Variants in SYTL4 observed in about 807,000 individuals in gnomAD.
SYTL4 encodes synaptotagmin like 4.
A neutral mutation model predicts 52.7 loss-of-function variants in SYTL4; 16 were observed. The observed-to-expected ratio is 0.30, with a 90% CI of 0.21 to 0.46. The LOEUF (loss-of-function observed/expected upper bound fraction) is 0.46, where lower values mean the gene tolerates loss of function less well. SYTL4 is among the 20% of genes least tolerant of loss of function. The probability of loss-of-function intolerance (pLI) is 1.00; values close to 1 mark genes in which losing one functional copy is unlikely to be tolerated. For missense variants in SYTL4, 423 were observed against 519.9 expected, an observed-to-expected ratio of 0.81 and a Z score of 1.81; for synonymous variants, 160 against 186.6, an observed-to-expected ratio of 0.86 and a Z score of 1.16.
intron 2 of SYTL4, among the ~76,000 whole-genome samples, chrX:100,708,716 T>C (rs182183285): frequency 4.4e-5 from 5 of 112,515 alleles, no homozygotes; most frequent in South Asian, 3.7e-4. Flanking sequence ...TTTTTAGCTA[T>C]ATGACCTTGG....
At chrX:100,698,357 C>G (rs1243785513) in intron 8 of SYTL4, among the ~76,000 whole-genome samples, 2 of 111,747 alleles carry the variant, frequency 1.8e-5, no homozygotes, top group Non-Finnish European at 3.8e-5. Flanking sequence ...CCCGCCTCGG[C>G]CTCCCAAAGT....
chrX:100,724,020 G>T (rs1166173774), intron 2 of SYTL4, among the ~76,000 whole-genome samples: 1 of 99,390 alleles, frequency 1.0e-5, no homozygotes, highest in African/African-American at 3.8e-5. Flanking sequence ...GAGGTGGGGG[G>T]GGTCAGCCCC....
intron 2 of SYTL4, among the ~76,000 whole-genome samples, chrX:100,709,565 C>T (rs887385831): frequency 2.7e-5 from 3 of 111,943 alleles, no homozygotes; most frequent in African/African-American, 9.7e-5. Context: ...ATCCCAACTT[C>T]CACATTTACT....
intron 2 of SYTL4, among the ~76,000 whole-genome samples, chrX:100,709,706 G>A (rs895630401): frequency 1.8e-5 from 2 of 112,159 alleles, no homozygotes; most frequent in Admixed American, 1.9e-4. Flanking sequence ...TTTAAAATAC[G>A]TAAAGTGCTT....
intron 19 of SYTL4, 30 bp from the exon 20 acceptor site, chrX:100,676,206 A>C (rs2083274634): frequency 3.3e-6 from 4 of 1,206,454 alleles, no homozygotes; most frequent in Non-Finnish European, 4.5e-6. Flanking sequence ...GAGGCTAAAG[A>C]GGGGCCCCAC....
At chrX:100,713,882 T>C (rs2060654861) in intron 2 of SYTL4, among the ~76,000 whole-genome samples, 1 of 110,693 alleles carries the variant, frequency 9.0e-6, no homozygotes, top group Non-Finnish European at 1.9e-5. Flanking sequence ...TATGATTTCA[T>C]TTATATAAAA....
At chrX:100,693,093 C>T (rs1383985063) in intron 8 of SYTL4, among the ~76,000 whole-genome samples, 2 of 111,199 alleles carry the variant, frequency 1.8e-5, no homozygotes, top group African/African-American at 6.5e-5. Flanking sequence ...CCATGGCTGG[C>T]TAATTTTTTT....
At chrX:100,727,444 G>A (rs779586022) in intron 2 of SYTL4, among the ~76,000 whole-genome samples, 4 of 112,434 alleles carry the variant, frequency 3.6e-5, no homozygotes, top group South Asian at 3.7e-4. Flanking sequence ...AATTAAAAGC[G>A]TCATCCATCC....
At chrX:100,688,616 G>A (rs768280086) in intron 12 of SYTL4, among the ~76,000 whole-genome samples, 173 bp from the exon 13 acceptor site, 260 of 105,298 alleles carry the variant, frequency 2.5e-3, no homozygotes, top group African/African-American at 8.5e-3. Context: ...CCAGGCTGGA[G>A]GGCAATGGCG....
chrX:100,684,547 G>C (rs1288405696), intron 16 of SYTL4: 3 of 109,752 alleles, frequency 2.7e-5, no homozygotes, highest in Non-Finnish European at 5.7e-5. Flanking sequence ...ATCTGTAAGT[G>C]ATGGCACAAA....
At chrX:100,712,130 TAA>T (rs1205488925) in intron 2 of SYTL4, among the ~76,000 whole-genome samples, 1 of 111,671 alleles carries the variant, frequency 9.0e-6, no homozygotes, top group Non-Finnish European at 1.9e-5. Flanking sequence ...ACCTGCACTA[TAA>T]AAAGTGTTAA....
Position 100,675,889 on chromosome X carries a change from T to TATACACACAC in SYTL4, c.*138_*139insGTGTGTGTAT. The TATACACACAC allele has an allele frequency of 2.5e-6, 1 of 407,882 alleles. No individual in the cohort carries two copies. Among genetic ancestry groups the TATACACACAC allele is most frequent in the Non-Finnish European group, 4.0e-6 (1 of 252,444 alleles). The allele number at this position is 407,882 out of a possible 1,213,427, so 33.6% of individuals were successfully genotyped here. On this transcript the variant is annotated 3_prime_UTR_variant, in exon 20 of 20. Coordinates refer to ENST00000372989, the MANE Select transcript of SYTL4 (RefSeq NM_001370165.1). ...GAGATTTGCAGAAAATACATGTTTG[T>TATACACACAC]ACACATACACACACACACACACACA...
Position 100,718,189 on chromosome X carries a change from T to C in SYTL4, c.-240+13229A>G, listed in dbSNP as rs1400857483. Among the ~76,000 whole-genome samples, 8 of 111,582 alleles carry C rather than the reference T, an allele frequency of 7.2e-5. No homozygotes were observed. The Admixed American group carries it at 7.6e-4, about 11-fold the overall frequency. ...TTAACCATATGCTTTGGAAAATATA[T>C]GAGCATATGGCAGTTTTGACATCTT... On this transcript the variant is annotated intron_variant, in intron 2 of 19. Transcript: ENST00000372989.
intron 2 of SYTL4, among the ~76,000 whole-genome samples, chrX:100,723,157 C>T (rs1354778345): frequency 1.8e-5 from 2 of 112,321 alleles, no homozygotes; most frequent in Non-Finnish European, 3.8e-5. Flanking sequence ...GTACGGTCTC[C>T]CTCTGATGCA....
intron 2 of SYTL4, among the ~76,000 whole-genome samples, chrX:100,713,886 T>C (rs1337488411): frequency 2.7e-5 from 3 of 110,804 alleles, no homozygotes; most frequent in East Asian, 2.8e-4. Context: ...ATTTCATTTA[T>C]ATAAAATTCT....
intron 14 of SYTL4, 102 bp from the exon 15 acceptor site, chrX:100,686,883 CA>C: frequency 1.2e-6 from 1 of 842,867 alleles, no homozygotes; most frequent in Non-Finnish European, 1.7e-6. Flanking sequence ...CATGTGATGT[CA>C]AAAATGTCAC....
chrX:100,711,807 C>G (rs749104191), intron 2 of SYTL4, among the ~76,000 whole-genome samples: 1 of 106,195 alleles, frequency 9.4e-6, no homozygotes, highest in South Asian at 4.5e-4. Flanking sequence ...ATGTGGCACA[C>G]CATAAATTGC....
At chrX:100,688,302 C>G in intron 13 of SYTL4, 49 bp downstream of exon 13, 2 of 1,100,497 alleles carry the variant, frequency 1.8e-6, no homozygotes, top group Non-Finnish European at 2.5e-6. Context: ...TGCTTCTTTT[C>G]TTCCTAGTAC....
rs775194436 is a variant in SYTL4 at position 100,725,119 on chromosome X, G to C, written c.-240+6299C>G. 3.6e-5 allele frequency among the ~76,000 whole-genome samples: 4 copies of C among 111,279 alleles called. No individual in the cohort carries two copies. The South Asian group carries it at 1.5e-3, about 42-fold the overall frequency. On this transcript the variant is annotated intron_variant, in intron 2 of 19. Transcript: ENST00000372989. ...AGATTTATATGTTACCTTTTATTGAGTCAAGTAATAAAAATGTAGTCCCAT... is the reference window on the plus strand; with the variant it reads ...AGATTTATATGTTACCTTTTATTGACTCAAGTAATAAAAATGTAGTCCCAT...
Sources: gnomAD v4.1 joint callset for allele counts (sites outside exome capture counted in the v4.1 genomes callset) on GRCh38, gnomAD v4.1.1 for gene constraint, MANE v1.5 for transcripts, NCBI Gene and HGNC (gene_info 2026-07-23, HGNC 2026-07-21) for gene names.